The following RBMS1 variants were observed in gnomAD, a reference collection of about 807,000 sequenced individuals.
RBMS1 encodes the protein RNA-binding motif, single-stranded-interacting protein 1.
Under a neutral mutation model 62.3 loss-of-function variants are expected in RBMS1, and 17 were observed. The observed-to-expected ratio is 0.27, with a 90% CI of 0.19 to 0.41. RBMS1 has a LOEUF of 0.41. Among genes scored for constraint, RBMS1 ranks in the 10% least tolerant of loss-of-function variants. The pLI, the probability that RBMS1 is intolerant of heterozygous loss-of-function variation, is 1.00. For synonymous variants in RBMS1, 172 were observed against 170.0 expected, an observed-to-expected ratio of 1.01 and a Z score of -0.09; for missense variants, 334 against 504.5, an observed-to-expected ratio of 0.66 and a Z score of 3.24.
At position 160,471,691 on chromosome 2, in the gene RBMS1, G is replaced by GTA. The variant is rs368982549; in HGVS notation, c.75+21596_75+21597dup. Reference sequence around the variant, plus strand: ...AATCATGTTTGGGAAATCCTTTGGTGTATATATATATATATATATATATAT... The same window carrying GTA: ...AATCATGTTTGGGAAATCCTTTGGTGTATATATATATATATATATATATATAT... On this transcript the variant is annotated intron_variant, in intron 1 of 13. Coordinates refer to ENST00000348849, the MANE Select transcript of RBMS1 (RefSeq NM_016836.4). Among the ~76,000 whole-genome samples the GTA allele has an allele frequency of 5.2e-3, 345 of 65,936 alleles. 11 individuals are homozygous for GTA. Among genetic ancestry groups the GTA allele is most frequent in the Middle Eastern group, 0.026 (3 of 114 alleles). 43.3% of individuals were successfully genotyped at this position (65,936 alleles called of 152,430 possible).
intron 6 of RBMS1, among the ~76,000 whole-genome samples, chr2:160,299,531 A>G (rs1212804291): frequency 3.9e-5 from 6 of 152,194 alleles, no homozygotes; most frequent in Admixed American, 1.3e-4. Flanking sequence ...AATGAACAAA[A>G]GCAAAAGACA....
chr2:160,455,686 T>TC (rs1279134283), intron 1 of RBMS1, among the ~76,000 whole-genome samples: 1 of 148,654 alleles, frequency 6.7e-6, no homozygotes, highest in Non-Finnish European at 1.5e-5. Context: ...TCCCAAGCTT[T>TC]TTTTTTTTTT....
In RBMS1 at chr2:160,400,546, T is replaced by C. The variant is rs1695381472; in HGVS notation, c.76-33155A>G. ...TATCTGTCCACAAAACAGCTGTAAGTCAAATGAAAACAGGTGATTGTGATA... is the reference window on the plus strand; with the variant it reads ...TATCTGTCCACAAAACAGCTGTAAGCCAAATGAAAACAGGTGATTGTGATA... On this transcript the variant is annotated intron_variant, in intron 1 of 13. Transcript: ENST00000348849. 2.0e-5 allele frequency among the ~76,000 whole-genome samples: 3 copies of C among 152,108 alleles called. No homozygotes were observed. In the South Asian group the frequency reaches 6.2e-4, roughly 32 times the overall value.
rs1003675225 is a variant in RBMS1, at chr2:160,493,479, T to C, written c.-116A>G. 2.4e-6 allele frequency: 2 copies of C among 837,116 alleles called. No individual in the cohort carries two copies. Among genetic ancestry groups the C allele is most frequent in the African/African-American group, 3.5e-5 (2 of 57,814 alleles). The allele number at this position is 837,116 out of a possible 1,614,324, so 51.9% of individuals were successfully genotyped here. ...CGGCAGCGGCGGCGGCGGCGGCGGC[T>C]GCTGCTGCTGCCGCTGCTCCACCTC... On this transcript the variant is annotated 5_prime_UTR_variant, in exon 1 of 14. Coordinates refer to ENST00000348849, the MANE Select transcript of RBMS1 (RefSeq NM_016836.4).
intron 2 of RBMS1, among the ~76,000 whole-genome samples, chr2:160,327,954 T>A (rs959411823): frequency 4.6e-5 from 7 of 152,188 alleles, no homozygotes; most frequent in Non-Finnish European, 1.5e-5. Context: ...CACCAAAACC[T>A]GTAATGTATT....
At chr2:160,470,761 TG>T (rs753454612) in intron 1 of RBMS1, among the ~76,000 whole-genome samples, 6 of 151,498 alleles carry the variant, frequency 4.0e-5, no homozygotes, top group South Asian at 2.1e-4. Flanking sequence ...GCTCTCAGAG[TG>T]GGGGGGGTAT....
chr2:160,311,065 G>A (rs1403417119), intron 4 of RBMS1, among the ~76,000 whole-genome samples: 1 of 151,570 alleles, frequency 6.6e-6, no homozygotes, highest in East Asian at 1.9e-4. Context: ...GTGGTGGCAT[G>A]TGCCTGTAAT....
At chr2:160,351,781 G>A (rs1692526516) in intron 2 of RBMS1, among the ~76,000 whole-genome samples, 1 of 152,040 alleles carries the variant, frequency 6.6e-6, no homozygotes, top group Admixed American at 6.6e-5. Context: ...ATTCCCAAGT[G>A]AGCCACTTTG....
At chr2:160,419,646 G>T (rs1696340065) in intron 1 of RBMS1, among the ~76,000 whole-genome samples, 1 of 152,186 alleles carries the variant, frequency 6.6e-6, no homozygotes, top group Admixed American at 6.5e-5. Context: ...TGTATTAAAA[G>T]ACTTGTGAGG....
At chr2:160,439,105 C>T (rs1185280022) in intron 1 of RBMS1, among the ~76,000 whole-genome samples, 7 of 148,962 alleles carry the variant, frequency 4.7e-5, no homozygotes, top group Non-Finnish European at 6.0e-5. Flanking sequence ...GCAGAGGCAC[C>T]CCTCACCTGC....
chr2:160,335,163 A>G (rs971081315), intron 2 of RBMS1, among the ~76,000 whole-genome samples: 1 of 152,178 alleles, frequency 6.6e-6, no homozygotes, highest in Non-Finnish European at 1.5e-5. Context: ...CCTATCCACC[A>G]CTTGAAAAGG....
rs79683335 is a variant in RBMS1, at chr2:160,423,143, T to C, written c.76-55752A>G. Reference sequence around the variant, plus strand: ...ATTTCGAATGAACTTCTCTATAACATACCCTCACTTGACTTTCCCCAGCCC... The same window carrying C: ...ATTTCGAATGAACTTCTCTATAACACACCCTCACTTGACTTTCCCCAGCCC... On this transcript the variant is annotated intron_variant, in intron 1 of 13. Coordinates refer to ENST00000348849, the MANE Select transcript of RBMS1 (RefSeq NM_016836.4). Among the ~76,000 whole-genome samples, 2,319 of 152,282 alleles carry C rather than the reference T, an allele frequency of 0.015. 183 individuals carry two copies. In the East Asian group the frequency reaches 0.23, roughly 15 times the overall value.
intron 7 of RBMS1, among the ~76,000 whole-genome samples, chr2:160,285,604 G>A (rs748086475): frequency 6.6e-5 from 10 of 150,762 alleles, no homozygotes; most frequent in South Asian, 2.1e-4. Context: ...GGAAATGGAC[G>A]TCCAACATTT....
chr2:160,334,087 T>C (rs1321956029), intron 2 of RBMS1, among the ~76,000 whole-genome samples: 1 of 152,196 alleles, frequency 6.6e-6, no homozygotes, highest in Non-Finnish European at 1.5e-5. Flanking sequence ...ATTTTCATTC[T>C]TTCTAATGAG....
chr2:160,476,866 CT>C (rs1469564234), intron 1 of RBMS1, among the ~76,000 whole-genome samples: 3 of 152,188 alleles, frequency 2.0e-5, no homozygotes, highest in African/African-American at 7.2e-5. Context: ...AAACACACTT[CT>C]TGTCTTTAAG....
At chr2:160,356,092 A>G (rs1692784221) in intron 2 of RBMS1, among the ~76,000 whole-genome samples, 1 of 152,066 alleles carries the variant, frequency 6.6e-6, no homozygotes, top group Non-Finnish European at 1.5e-5. Context: ...TGACCCCTAA[A>G]AAATTGTTTC....
chr2:160,340,915 T>G (rs1466052696), intron 2 of RBMS1, among the ~76,000 whole-genome samples: 1 of 152,196 alleles, frequency 6.6e-6, no homozygotes, highest in Non-Finnish European at 1.5e-5. Context: ...TTATAGACAG[T>G]GTCATACACC....
chr2:160,337,135 CTTTT>C (rs768216149), intron 2 of RBMS1, among the ~76,000 whole-genome samples: 3 of 136,376 alleles, frequency 2.2e-5, no homozygotes, highest in Admixed American at 7.4e-5. Flanking sequence ...TTTTTCTTTT[CTTTT>C]TTTTTTTTTT....
chr2:160,294,605 C>T (rs569856822), intron 6 of RBMS1, among the ~76,000 whole-genome samples: 31 of 152,288 alleles, frequency 2.0e-4, no homozygotes, highest in Non-Finnish European at 3.1e-4. Flanking sequence ...GAGAAAGTAT[C>T]TTTCGGGAAT....
Sources: allele counts gnomAD v4.1 joint callset (sites outside exome capture counted in the v4.1 genomes callset), GRCh38; gene constraint gnomAD v4.1.1; transcripts MANE v1.5; gene names NCBI Gene and HGNC (gene_info 2026-07-23, HGNC 2026-07-21).